DOCK5: variants seen among roughly 807,000 people sequenced by gnomAD.
DOCK5 encodes dedicator of cytokinesis 5.
In DOCK5, 142 loss-of-function variants were observed where a neutral mutation model predicts 251.8. That is an observed-to-expected ratio of 0.56 (90% CI 0.49 to 0.65). The LOEUF (loss-of-function observed/expected upper bound fraction) is 0.65. DOCK5 is among the 30% of genes least tolerant of loss of function. The probability of loss-of-function intolerance (pLI) is 0.00; values close to 1 mark genes in which losing one functional copy is unlikely to be tolerated. For synonymous variants in DOCK5, 842 were observed against 835.5 expected, an observed-to-expected ratio of 1.01 and a Z score of -0.13; for missense variants, 2,111 against 2,312.3, an observed-to-expected ratio of 0.91 and a Z score of 1.79.
chr8:25,328,353 C>G (rs1375735590), intron 18 of DOCK5, among the ~76,000 whole-genome samples: 3 of 151,992 alleles, frequency 2.0e-5, no homozygotes. Flanking sequence ...GGAGAGGGAA[C>G]AGGGTACAGA....
At chr8:25,397,721 CT>C (rs753200811) in intron 45 of DOCK5, among the ~76,000 whole-genome samples, 84 of 152,290 alleles carry the variant, frequency 5.5e-4, no homozygotes, top group African/African-American at 1.9e-3. Context: ...CAGAATACCC[CT>C]AATCACAGAT....
chr8:25,391,487 A>T (rs1487104117), intron 42 of DOCK5, among the ~76,000 whole-genome samples: 1 of 151,878 alleles, frequency 6.6e-6, no homozygotes, highest in South Asian at 2.1e-4. Flanking sequence ...AATACAAAAA[A>T]ATTAGCCAGT....
At chr8:25,277,123 T>C (rs903690663) in intron 4 of DOCK5, 5 of 154,250 alleles carry the variant, frequency 3.2e-5, no homozygotes, top group Admixed American at 2.0e-4. Flanking sequence ...GATGGGAATT[T>C]AAGCCTCTTC....
In DOCK5 at chr8:25,368,621, G is replaced by C; in HGVS notation, c.3334G>C (p.Val1112Leu). 6.2e-7 allele frequency: 1 copy of C among 1,613,566 alleles called. No homozygotes were observed. Residue 1112 changes from valine (V) to leucine (L), a missense_variant, in exon 33 of 52, where the codon GTC becomes CTC. Coordinates refer to ENST00000276440, the MANE Select transcript of DOCK5 (RefSeq NM_024940.8). The part of the protein sequence containing the change: ...IPSMVGPILE[V>L]TLTPEVELRK... ...ATCCATGGTGGGTCCCATTCTGGAG[G>C]TCACTCTGACCCCTGAAGTAGAGCT...
At chr8:25,331,723 C>T (rs1805684370) in intron 18 of DOCK5, among the ~76,000 whole-genome samples, 1 of 150,956 alleles carries the variant, frequency 6.6e-6, no homozygotes, top group East Asian at 1.9e-4. Context: ...TCAGTTTCCT[C>T]ATCTAAAAGA....
chr8:25,288,598 T>C (rs1360718147), intron 5 of DOCK5, among the ~76,000 whole-genome samples: 1 of 152,240 alleles, frequency 6.6e-6, no homozygotes, highest in East Asian at 1.9e-4. Flanking sequence ...ACCCTTTCTT[T>C]ACCATATTAT....
intron 39 of DOCK5, among the ~76,000 whole-genome samples, chr8:25,380,630 C>T (rs1482761917): frequency 6.6e-6 from 1 of 152,100 alleles, no homozygotes; most frequent in Non-Finnish European, 1.5e-5. Flanking sequence ...GGGGTTGTCT[C>T]GACAGTGTGG....
At chr8:25,186,610 C>T (rs948397746) in intron 1 of DOCK5, among the ~76,000 whole-genome samples, 2 of 152,112 alleles carry the variant, frequency 1.3e-5, no homozygotes, top group Non-Finnish European at 2.9e-5. Context: ...AACTCCTGAC[C>T]TCAGGTGATC....
chr8:25,185,008 G>A (rs1801395441), intron 1 of DOCK5, 57 bp downstream of exon 1: 1 of 1,300,430 alleles, frequency 7.7e-7, no homozygotes, highest in Non-Finnish European at 9.8e-7. Flanking sequence ...TTCGCGGACA[G>A]CGGCCCTGCC....
At chr8:25,240,744 A>G (rs1340240230) in intron 1 of DOCK5, among the ~76,000 whole-genome samples, 2 of 152,196 alleles carry the variant, frequency 1.3e-5, no homozygotes, top group Non-Finnish European at 2.9e-5. Context: ...GCTATTGTGA[A>G]TAATGCTACT....
intron 44 of DOCK5, among the ~76,000 whole-genome samples, chr8:25,394,739 T>C (rs949093419): frequency 2.0e-5 from 3 of 152,332 alleles, no homozygotes; most frequent in Admixed American, 2.0e-4. Context: ...CTGTAGACAT[T>C]TTGTCCAAGG....
At chr8:25,269,537 C>A (rs1369504172) in intron 3 of DOCK5, among the ~76,000 whole-genome samples, 2 of 151,902 alleles carry the variant, frequency 1.3e-5, no homozygotes, top group African/African-American at 4.8e-5. Flanking sequence ...AAGAATGTAT[C>A]TTTTACTGTG....
At chr8:25,277,062 T>C (rs1417055189) in intron 4 of DOCK5, 2 of 153,056 alleles carry the variant, frequency 1.3e-5, no homozygotes, top group Admixed American at 1.3e-4. Flanking sequence ...TTGAGTATTA[T>C]CTTTCAAATG....
intron 16 of DOCK5, among the ~76,000 whole-genome samples, chr8:25,321,888 G>A (rs556304458): frequency 9.2e-5 from 14 of 152,166 alleles, no homozygotes; most frequent in African/African-American, 9.6e-5. Context: ...CCTCCTAGAC[G>A]TTCACAATGC....
At chr8:25,220,575 G>A (rs578023291) in intron 1 of DOCK5, among the ~76,000 whole-genome samples, 106 of 152,158 alleles carry the variant, frequency 7.0e-4, no homozygotes, top group Non-Finnish European at 8.4e-4. Flanking sequence ...CACAGGTACC[G>A]GGTGTCCCTG....
intron 1 of DOCK5, among the ~76,000 whole-genome samples, chr8:25,199,508 C>T (rs780911153): frequency 7.9e-5 from 12 of 151,896 alleles, no homozygotes; most frequent in African/African-American, 1.5e-4. Context: ...CTCAGCCTCC[C>T]TAGTAGCTGG....
chr8:25,376,180 A>T, intron 37 of DOCK5: 1 of 984,582 alleles, frequency 1.0e-6, no homozygotes, highest in Non-Finnish European at 1.2e-6. Context: ...TCGCCATTGT[A>T]TGATCAGAAA....
chr8:25,296,963 C>G (rs1446716246), intron 7 of DOCK5, among the ~76,000 whole-genome samples: 1 of 151,886 alleles, frequency 6.6e-6, no homozygotes, highest in Non-Finnish European at 1.5e-5. Flanking sequence ...AAATAATAGA[C>G]AAGAAATAAT....
intron 1 of DOCK5, among the ~76,000 whole-genome samples, chr8:25,194,818 G>A (rs1801678098): frequency 6.6e-6 from 1 of 152,148 alleles, no homozygotes; most frequent in East Asian, 1.9e-4. Context: ...GTCATCAAGT[G>A]CAGTCTGTCC....
Sources: allele counts gnomAD v4.1 joint callset (sites outside exome capture counted in the v4.1 genomes callset), GRCh38; gene constraint gnomAD v4.1.1; transcripts MANE v1.5; gene names NCBI Gene and HGNC (gene_info 2026-07-23, HGNC 2026-07-21).